Variants in SATB2 observed in about 807,000 individuals in gnomAD.
SATB2 encodes SATB homeobox 2.
SATB2 carries 1 observed loss-of-function variant against 73.4 expected under a neutral mutation model. The ratio of observed to expected loss-of-function variants is 0.01; its 90% CI spans 0.00 to 0.06. The LOEUF (loss-of-function observed/expected upper bound fraction) is 0.06, where lower values mean the gene tolerates loss of function less well. SATB2 is among the 10% of genes least tolerant of loss of function. The pLI, the probability that SATB2 is intolerant of heterozygous loss-of-function variation, is 1.00. For missense variants in SATB2, 459 were observed against 945.8 expected (o/e 0.49, Z 6.75); for synonymous variants, 397 against 367.0 (o/e 1.08, Z -0.93).
chr2:199,389,908 A>G (rs1426340186), intron 3 of SATB2, among the ~76,000 whole-genome samples: 8 of 152,138 alleles, frequency 5.3e-5, no homozygotes, highest in African/African-American at 1.2e-4. Context: ...AAATATATAC[A>G]GTACCATTTG....
intron 3 of SATB2, among the ~76,000 whole-genome samples, chr2:199,405,630 G>T (rs1224759558): frequency 6.6e-6 from 1 of 152,094 alleles, no homozygotes; most frequent in Non-Finnish European, 1.5e-5. Context: ...CACTTTTTCA[G>T]GGAAAAGGAA....
chr2:199,454,650 G>T (rs1288446031), intron 2 of SATB2, among the ~76,000 whole-genome samples: 1 of 152,126 alleles, frequency 6.6e-6, no homozygotes, highest in Non-Finnish European at 1.5e-5. Context: ...CTTCTCAAGT[G>T]AGACGATTAA....
At chr2:199,378,577 G>A (rs1282573300) in intron 5 of SATB2, among the ~76,000 whole-genome samples, 3 of 151,996 alleles carry the variant, frequency 2.0e-5, no homozygotes, top group African/African-American at 7.3e-5. Flanking sequence ...CTATCTAGCT[G>A]CCTATACGTG....
At chr2:199,442,628 A>G (rs1691852263) in intron 2 of SATB2, among the ~76,000 whole-genome samples, 1 of 152,180 alleles carries the variant, frequency 6.6e-6, no homozygotes, top group Non-Finnish European at 1.5e-5. Flanking sequence ...AGCCTGTTAA[A>G]CCCAGCTACT....
chr2:199,304,684 T>A lies in SATB2; in HGVS notation c.1740+4076A>T, dbSNP rs533495165. The stretch of plus-strand genomic sequence containing the variant: ...ACTGTGGATTCATGATGTGACAGGA[T>A]CTAGCTTACGAAGTGTGTTCAGATC... On this transcript the variant is annotated intron_variant, in intron 10 of 10. Coordinates refer to ENST00000417098, the MANE Select transcript of SATB2 (RefSeq NM_001172509.2). 6.6e-5 allele frequency among the ~76,000 whole-genome samples: 10 copies of A among 152,288 alleles called. No individual in the cohort carries two copies. The East Asian group carries it at 1.5e-3, about 24-fold the overall frequency.
In SATB2 at chr2:199,328,685, G is replaced by A. The variant is rs1403696762; in HGVS notation, c.1386+13C>T. On this transcript the variant is annotated intron_variant, in intron 8 of 10. Transcript: ENST00000417098. ...AGACAAAGAGTGAAAAATACGGAAA[G>A]CAAGTTTCTCACCTGAGGGGTTCGG... 1.2e-6 allele frequency: 2 copies of A among 1,608,008 alleles called. No individual in the cohort carries two copies. The highest frequency in any genetic ancestry group is 3.3e-5 in the Admixed American group (2 of 59,994).
At chr2:199,408,950 TATTA>T (rs1690723173) in intron 3 of SATB2, among the ~76,000 whole-genome samples, 1 of 152,086 alleles carries the variant, frequency 6.6e-6, no homozygotes, top group Non-Finnish European at 1.5e-5. Context: ...GGAAAAGATA[TATTA>T]ATTATGTTTT....
intron 3 of SATB2, among the ~76,000 whole-genome samples, chr2:199,395,410 G>A (rs1013388289): frequency 5.9e-5 from 9 of 152,120 alleles, no homozygotes; most frequent in Non-Finnish European, 1.3e-4. Flanking sequence ...TCCAGTATGA[G>A]TCAAGGTAAG....
At chr2:199,353,611 A>G (rs1167168220) in intron 6 of SATB2, among the ~76,000 whole-genome samples, 1 of 152,170 alleles carries the variant, frequency 6.6e-6, no homozygotes, top group African/African-American at 2.4e-5. Context: ...ACTGTATCAG[A>G]AAATTGAGCC....
chr2:199,348,697 G>A lies in SATB2; in HGVS notation c.1173+4C>T. The A allele has an allele frequency of 1.9e-6, 3 of 1,567,622 alleles. No homozygotes were observed. Among genetic ancestry groups the A allele is most frequent in the Non-Finnish European group, 2.6e-6 (3 of 1,155,856 alleles). On this transcript the variant is annotated splice_donor_region_variant and intron_variant, in intron 7 of 10. Transcript: ENST00000417098. ...TTAATTACAGTGTTTAATGCTAATT[G>A]TACCTGTGTGCGGTTGAATGCCACT...
intron 2 of SATB2, among the ~76,000 whole-genome samples, chr2:199,449,547 A>G (rs1024971033): frequency 1.3e-5 from 2 of 152,188 alleles, no homozygotes; most frequent in African/African-American, 4.8e-5. Flanking sequence ...GTTAATTGCT[A>G]ACAATAAAGA....
intron 3 of SATB2, among the ~76,000 whole-genome samples, chr2:199,393,267 GGAA>G: frequency 6.6e-6 from 1 of 152,266 alleles, no homozygotes; most frequent in African/African-American, 2.4e-5. Context: ...AGAAAAGGAG[GGAA>G]GGAGGGAATG....
At chr2:199,340,188 C>G (rs1043491859) in intron 7 of SATB2, among the ~76,000 whole-genome samples, 1 of 152,136 alleles carries the variant, frequency 6.6e-6, no homozygotes, top group Non-Finnish European at 1.5e-5. Flanking sequence ...ATTTATGATC[C>G]TTGTCTTAAG....
At chr2:199,381,848 C>A (rs765117022) in intron 3 of SATB2, 28 bp from the exon 4 acceptor site, 2 of 1,612,430 alleles carry the variant, frequency 1.2e-6, no homozygotes, top group African/African-American at 2.7e-5. Context: ...ACATAATAAA[C>A]ACATATCTGC....
chr2:199,295,071 C>T (rs1475050618), intron 10 of SATB2, among the ~76,000 whole-genome samples: 2 of 152,042 alleles, frequency 1.3e-5, no homozygotes, highest in Non-Finnish European at 2.9e-5. Context: ...GTTGATCCAA[C>T]CAGATACTCA....
At chr2:199,287,666 C>T (rs1692729296) in intron 10 of SATB2, among the ~76,000 whole-genome samples, 1 of 152,092 alleles carries the variant, frequency 6.6e-6, no homozygotes, top group Non-Finnish European at 1.5e-5. Flanking sequence ...TAAAGCATTA[C>T]TATTACTGAT....
At chr2:199,430,919 C>G (rs1197988523) in intron 3 of SATB2, among the ~76,000 whole-genome samples, 1 of 152,182 alleles carries the variant, frequency 6.6e-6, no homozygotes, top group Non-Finnish European at 1.5e-5. Context: ...TTTCAAGAGT[C>G]TTGATTTTTA....
Position 199,315,653 on chromosome 2 carries a change from C to T in SATB2, c.1543-6696G>A, listed in dbSNP as rs542778969. Among the ~76,000 whole-genome samples, 3 of 152,196 alleles carry T rather than the reference C, an allele frequency of 2.0e-5. No individual in the cohort carries two copies. In the South Asian group the frequency reaches 6.2e-4, roughly 32 times the overall value. On this transcript the variant is annotated intron_variant, in intron 9 of 10. Transcript: ENST00000417098. The stretch of plus-strand genomic sequence containing the variant: ...AAAAAACATTGGTCTAGGTTTATGA[C>T]TAATTTTCCAGTTTTTACAATATTT...
At chr2:199,283,281 G>A (rs984374102) in intron 10 of SATB2, among the ~76,000 whole-genome samples, 4 of 147,064 alleles carry the variant, frequency 2.7e-5, no homozygotes, top group South Asian at 2.2e-4. Context: ...TTGTAGGGAC[G>A]GGGTTTCATC....
Sources: allele counts gnomAD v4.1 joint callset (sites outside exome capture counted in the v4.1 genomes callset), GRCh38; gene constraint gnomAD v4.1.1; transcripts MANE v1.5; gene names NCBI Gene and HGNC (gene_info 2026-07-23, HGNC 2026-07-21).